Variants in IL7 observed in about 807,000 individuals in gnomAD.
The protein encoded by IL7 is interleukin 7.
IL7 carries 3 observed loss-of-function variants against 21.6 expected under a neutral mutation model. That is an observed-to-expected ratio of 0.14 (90% CI 0.06 to 0.36). IL7 has a LOEUF of 0.36. Ranked by LOEUF, IL7 falls within the 10% of genes least tolerant of loss-of-function variation. IL7 has a pLI of 1.00. For synonymous variants in IL7, 62 were observed against 68.1 expected (o/e 0.91, Z 0.44); for missense variants, 175 against 200.2 (o/e 0.87, Z 0.76).
intron 1 of IL7, among the ~76,000 whole-genome samples, chr8:78,804,267 A>AC (rs1440041689): frequency 6.6e-6 from 1 of 152,084 alleles, no homozygotes; most frequent in Non-Finnish European, 1.5e-5. Flanking sequence ...CGTAGGAAAA[A>AC]ATAACAACAA....
chr8:78,750,700 T>C (rs1359619536), intron 2 of IL7, among the ~76,000 whole-genome samples: 1 of 152,132 alleles, frequency 6.6e-6, no homozygotes, highest in Non-Finnish European at 1.5e-5. Flanking sequence ...GGCGGGCACC[T>C]GTAGTCCCAG....
At chr8:78,787,767 T>C (rs1414209980) in intron 2 of IL7, among the ~76,000 whole-genome samples, 1 of 152,162 alleles carries the variant, frequency 6.6e-6, no homozygotes, top group Non-Finnish European at 1.5e-5. Flanking sequence ...GGAGTGTTAG[T>C]GAATTTTTTT....
At chr8:78,786,423 A>G (rs890604605) in intron 2 of IL7, among the ~76,000 whole-genome samples, 7 of 152,218 alleles carry the variant, frequency 4.6e-5, no homozygotes, top group African/African-American at 1.7e-4. Flanking sequence ...GCAGAACTGC[A>G]AGTTGCTCTG....
At chr8:78,773,357 C>A (rs1813022743) in intron 2 of IL7, among the ~76,000 whole-genome samples, 1 of 152,112 alleles carries the variant, frequency 6.6e-6, no homozygotes, top group Admixed American at 6.6e-5. Context: ...CAGAAATGGA[C>A]TTTTTTCTCA....
intron 2 of IL7, among the ~76,000 whole-genome samples, chr8:78,768,669 T>G (rs927080514): frequency 1.3e-5 from 2 of 151,916 alleles, no homozygotes; most frequent in Admixed American, 6.6e-5. Flanking sequence ...TTCTGGATAT[T>G]AGCCCTTTGT....
At position 78,733,481 on chromosome 8, in the gene IL7, A is replaced by G. The variant is rs544144134; in HGVS notation, c.*232T>C. 31 of 397,634 alleles carry G rather than the reference A, an allele frequency of 7.8e-5. No homozygotes were observed. The South Asian group carries it at 9.5e-4, about 12-fold the overall frequency. The allele number at this position is 397,634 out of a possible 1,614,324, so 24.6% of individuals were successfully genotyped here. On this transcript the variant is annotated 3_prime_UTR_variant, in exon 6 of 6. Coordinates refer to ENST00000263851, the MANE Select transcript of IL7 (RefSeq NM_000880.4). ...AATCAGTACAGAATTATACTGATTG[A>G]TAAATGTTCACATATATAAGAAATA...
intron 2 of IL7, among the ~76,000 whole-genome samples, chr8:78,792,994 T>C (rs899763743): frequency 1.3e-5 from 2 of 152,156 alleles, no homozygotes; most frequent in African/African-American, 2.4e-5. Context: ...AATTGATGAA[T>C]GGATAAACAA....
intron 2 of IL7, among the ~76,000 whole-genome samples, chr8:78,785,887 G>A (rs1813493634): frequency 6.6e-6 from 1 of 152,194 alleles, no homozygotes; most frequent in African/African-American, 2.4e-5. Context: ...GAAAGCCTGG[G>A]AACACAGCTA....
intron 3 of IL7, among the ~76,000 whole-genome samples, chr8:78,687,474 T>A (rs948827436): frequency 6.9e-6 from 1 of 144,940 alleles, no homozygotes; most frequent in Non-Finnish European, 1.5e-5. Flanking sequence ...ATATATATAT[T>A]TATATATAAT....
At position 78,698,326 on chromosome 8, in the gene IL7, TACTAAA is replaced by T. The variant is rs1234246943; in HGVS notation, n.215-12385_215-12380del. Reference sequence around the variant, plus strand: ...CTTGATTTATAGTTGCAAAGATTATTACTAAAGCATTGTTTCCTTTGTTAGATGCTC... The same window carrying T: ...CTTGATTTATAGTTGCAAAGATTATTGCATTGTTTCCTTTGTTAGATGCTC... On this transcript the variant is annotated intron_variant and non_coding_transcript_variant, in intron 3 of 4. Transcript: ENST00000523959. 68 of 1,093,638 alleles carry T rather than the reference TACTAAA, an allele frequency of 6.2e-5. No individual in the cohort carries two copies. The African/African-American group carries it at 1.0e-3, about 16-fold the overall frequency. The allele number at this position is 1,093,638 out of a possible 1,614,324, so 67.7% of individuals were successfully genotyped here. A position where few individuals can be genotyped will look rare whatever the true frequency, so the allele number is the denominator to read the frequency against.
intron 3 of IL7, among the ~76,000 whole-genome samples, chr8:78,723,630 T>C (rs538584949): frequency 1.3e-5 from 2 of 152,182 alleles, no homozygotes; most frequent in African/African-American, 4.8e-5. Flanking sequence ...AAAAATAGCG[T>C]CAGCCTTCTG....
At chr8:78,695,405 C>G (rs773352232) in intron 3 of IL7, among the ~76,000 whole-genome samples, 1 of 152,148 alleles carries the variant, frequency 6.6e-6, no homozygotes, top group African/African-American at 2.4e-5. Flanking sequence ...AGGAACCTTT[C>G]TGCCTGTTTC....
chr8:78,802,847 C>T (rs1316941839), intron 1 of IL7, among the ~76,000 whole-genome samples: 1 of 152,112 alleles, frequency 6.6e-6, no homozygotes, highest in East Asian at 1.9e-4. Context: ...AAAAAATAAC[C>T]ATATATGTGT....
chr8:78,717,705 G>C (rs1376579075), downstream of IL7: 3 of 342,226 alleles, frequency 8.8e-6, no homozygotes, highest in Admixed American at 4.5e-5. Flanking sequence ...ACCCCAGACT[G>C]TGTCATTCAA....
At chr8:78,677,623 T>C (rs1809624016) in intron 4 of IL7, among the ~76,000 whole-genome samples, 1 of 152,028 alleles carries the variant, frequency 6.6e-6, no homozygotes, top group Non-Finnish European at 1.5e-5. Flanking sequence ...TTTTCTAGTA[T>C]CTATGTTCAG....
intron 3 of IL7, among the ~76,000 whole-genome samples, chr8:78,723,503 A>G (rs1430681084): frequency 6.6e-6 from 1 of 152,036 alleles, no homozygotes; most frequent in Non-Finnish European, 1.5e-5. Context: ...TGCCACTGGT[A>G]GCACTTTGGC....
At chr8:78,774,353 A>G (rs1010415726) in intron 2 of IL7, among the ~76,000 whole-genome samples, 1 of 152,156 alleles carries the variant, frequency 6.6e-6, no homozygotes. Context: ...CAATAAGTAT[A>G]TATTAATTAT....
intron 2 of IL7, among the ~76,000 whole-genome samples, chr8:78,777,957 C>A (rs1199571761): frequency 6.6e-6 from 1 of 152,002 alleles, no homozygotes; most frequent in Non-Finnish European, 1.5e-5. Flanking sequence ...TCTAGCCATA[C>A]CCTACCTTCC....
intron 2 of IL7, among the ~76,000 whole-genome samples, chr8:78,790,921 CAA>C (rs35799851): frequency 0.017 from 2,332 of 138,886 alleles, 51 homozygotes; most frequent in African/African-American, 0.058. Flanking sequence ...AAAACAATCT[CAA>C]AAAAAAAAAA....
Sources: allele counts gnomAD v4.1 joint callset (sites outside exome capture counted in the v4.1 genomes callset), GRCh38; gene constraint gnomAD v4.1.1; transcripts MANE v1.5; gene names NCBI Gene and HGNC (gene_info 2026-07-23, HGNC 2026-07-21).